The following PLXNA4 variants were observed in gnomAD, a reference collection of about 807,000 sequenced individuals.
PLXNA4 encodes plexin-A4.
PLXNA4 carries 44 observed loss-of-function variants against 191.8 expected under a neutral mutation model. That is an observed-to-expected ratio of 0.23 (90% CI 0.18 to 0.29). The LOEUF is 0.29. Among genes scored for constraint, PLXNA4 ranks in the 10% least tolerant of loss-of-function variants. The pLI is 1.00. For missense variants in PLXNA4, 1,800 were observed against 2,488.8 expected (o/e 0.72, Z 5.89); for synonymous variants, 1,082 against 1,009.5 (o/e 1.07, Z -1.36).
intron 1 of PLXNA4, among the ~76,000 whole-genome samples, chr7:132,524,300 C>G (rs1799313132): frequency 6.6e-6 from 1 of 152,132 alleles, no homozygotes; most frequent in Admixed American, 6.5e-5. Flanking sequence ...ACTACCACAG[C>G]AAAACTTGAT....
At chr7:132,348,496 C>A (rs1390375895) in intron 3 of PLXNA4, among the ~76,000 whole-genome samples, 1 of 152,218 alleles carries the variant, frequency 6.6e-6, no homozygotes, top group East Asian at 1.9e-4. Context: ...TGTTTCCTAA[C>A]CTTTCCACAT....
intron 2 of PLXNA4, among the ~76,000 whole-genome samples, chr7:132,632,283 T>G (rs1190340850): frequency 6.6e-6 from 1 of 151,450 alleles, no homozygotes; most frequent in African/African-American, 2.4e-5. Context: ...TCTAAATTTC[T>G]TAGGTAGAAT....
rs374139141 is a variant in PLXNA4, at chr7:132,148,586, A to G, written c.4721T>C (p.Ile1574Thr). 181 of 1,613,606 alleles carry G rather than the reference A, an allele frequency of 1.1e-4. 1 individual carries two copies. The highest frequency in any genetic ancestry group is 2.5e-4 in the East Asian group (11 of 44,868). ...GTTCAGTCGCTTCCAATCATTCTCA[A>G]TCTTGGTGGTGATGTCTTCATCCTG... The part of the protein sequence containing the change: ...ILQDEDITTK[I>T]ENDWKRLNTL... The change falls in exon 26 of 32, where the codon ATT (isoleucine) becomes ACT (threonine). Residue 1574 changes from isoleucine to threonine, a missense_variant. Ile to Thr is a moderately conservative substitution (Grantham distance 89, BLOSUM62 -1). Coordinates refer to ENST00000321063, the MANE Select transcript of PLXNA4 (RefSeq NM_020911.2).
chr7:132,481,914 C>G (rs1226883662), intron 3 of PLXNA4, among the ~76,000 whole-genome samples: 1 of 152,218 alleles, frequency 6.6e-6, no homozygotes, highest in Non-Finnish European at 1.5e-5. Context: ...TCACAGCCTC[C>G]TGTTTATCCT....
At chr7:132,324,384 C>T (rs995395969) in intron 3 of PLXNA4, among the ~76,000 whole-genome samples, 2 of 152,082 alleles carry the variant, frequency 1.3e-5, no homozygotes, top group Non-Finnish European at 2.9e-5. Context: ...TTCATTTTCC[C>T]CCCAATGATA....
At position 132,487,705 on chromosome 7, in the gene PLXNA4, A is replaced by G. The variant is rs73444851; in HGVS notation, c.1371+1587T>C. On this transcript the variant is annotated intron_variant, in intron 3 of 31. Transcript: ENST00000321063. ...TTCCTGGCAGCAACTGGAAGTGATG[A>G]GTGGCCAAGTGCATGAGAGGAAGAC... Among the ~76,000 whole-genome samples, 1,464 of 152,290 alleles carry G rather than the reference A, an allele frequency of 9.6e-3. 34 individuals carry two copies. The highest frequency in any genetic ancestry group is 0.033 in the African/African-American group (1,368 of 41,554).
chr7:132,260,980 G>C (rs1056734166), intron 4 of PLXNA4, among the ~76,000 whole-genome samples: 3 of 152,198 alleles, frequency 2.0e-5, no homozygotes, highest in Admixed American at 2.0e-4. Flanking sequence ...GGAGGCAGGG[G>C]GTTTATAGGA....
chr7:132,600,058 T>C (rs1381762233), intron 2 of PLXNA4, among the ~76,000 whole-genome samples: 10 of 152,234 alleles, frequency 6.6e-5, no homozygotes, highest in Non-Finnish European at 1.5e-5. Flanking sequence ...TTTGAATACA[T>C]TGTTTAATTT....
At chr7:132,621,018 C>A (rs916113718) in intron 2 of PLXNA4, among the ~76,000 whole-genome samples, 3 of 152,098 alleles carry the variant, frequency 2.0e-5, no homozygotes, top group Non-Finnish European at 4.4e-5. Context: ...TATAAGGGCA[C>A]TAATTTCATT....
chr7:132,565,889 C>T (rs1801701214), intron 1 of PLXNA4, among the ~76,000 whole-genome samples: 1 of 152,162 alleles, frequency 6.6e-6, no homozygotes, highest in African/African-American at 2.4e-5. Flanking sequence ...CACACTTCTC[C>T]AAAGTCAAGA....
chr7:132,342,095 C>A (rs753703716), intron 3 of PLXNA4, among the ~76,000 whole-genome samples: 27 of 151,682 alleles, frequency 1.8e-4, no homozygotes, highest in Non-Finnish European at 2.2e-4. Flanking sequence ...CCTCTGGCAT[C>A]AATCTGGCTT....
At chr7:132,294,913 G>GA (rs1801020979) in intron 4 of PLXNA4, among the ~76,000 whole-genome samples, 4 of 152,126 alleles carry the variant, frequency 2.6e-5, no homozygotes, top group Admixed American at 2.6e-4. Flanking sequence ...AGAGGCCTCA[G>GA]AAAAAACCAG....
At chr7:132,299,929 C>T (rs1032890445) in intron 3 of PLXNA4, among the ~76,000 whole-genome samples, 1 of 152,152 alleles carries the variant, frequency 6.6e-6, no homozygotes, top group Non-Finnish European at 1.5e-5. Flanking sequence ...GATCTGTGGG[C>T]AGCCCTCTCC....
chr7:132,349,966 C>G (rs1803416681), intron 3 of PLXNA4, among the ~76,000 whole-genome samples: 1 of 152,000 alleles, frequency 6.6e-6, no homozygotes, highest in South Asian at 2.1e-4. Flanking sequence ...TGGAGGCATA[C>G]ACATTAGGAC....
intron 3 of PLXNA4, among the ~76,000 whole-genome samples, chr7:132,448,916 G>A (rs1190384244): frequency 6.6e-6 from 1 of 152,100 alleles, no homozygotes; most frequent in Non-Finnish European, 1.5e-5. Context: ...TCAAAATCAG[G>A]GATTGTACCT....
chr7:132,399,487 A>AC (rs1189687333), intron 3 of PLXNA4, among the ~76,000 whole-genome samples: 3 of 152,220 alleles, frequency 2.0e-5, no homozygotes, highest in African/African-American at 7.2e-5. Context: ...TGCAGGTGAA[A>AC]CAAAAAAAGG....
At chr7:132,463,219 G>A (rs139242040) in intron 3 of PLXNA4, among the ~76,000 whole-genome samples, 65 of 152,266 alleles carry the variant, frequency 4.3e-4, no homozygotes, top group African/African-American at 1.5e-3. Context: ...AAACCAAGCT[G>A]ATTGTTCTTC....
intron 5 of PLXNA4, among the ~76,000 whole-genome samples, chr7:132,236,502 C>A (rs1991119): frequency 6.6e-6 from 1 of 152,134 alleles, no homozygotes; most frequent in East Asian, 1.9e-4. Context: ...AGCAAGCAAC[C>A]GAGTCACTTG....
chr7:132,241,228 GAA>G (rs1242396661), intron 4 of PLXNA4, 62 bp from the exon 5 acceptor site: 11 of 1,134,960 alleles, frequency 9.7e-6, no homozygotes, highest in Non-Finnish European at 1.1e-5. Context: ...CAGTGTACCA[GAA>G]GAGATGTTGC....
Sources: allele counts gnomAD v4.1 joint callset (sites outside exome capture counted in the v4.1 genomes callset), GRCh38; gene constraint gnomAD v4.1.1; transcripts MANE v1.5; gene names NCBI Gene and HGNC (gene_info 2026-07-23, HGNC 2026-07-21).